Variants in ZBTB20 observed in about 807,000 individuals in gnomAD.
ZBTB20 encodes zinc finger and BTB domain containing 20, also known as zinc finger and BTB domain-containing protein 20.
In ZBTB20, 9 loss-of-function variants were observed where a neutral mutation model predicts 56.9. The ratio of observed to expected loss-of-function variants is 0.16; its 90% CI spans 0.10 to 0.28. The LOEUF (loss-of-function observed/expected upper bound fraction) is 0.28, where lower values mean the gene tolerates loss of function less well. Among genes scored for constraint, ZBTB20 ranks in the 10% least tolerant of loss-of-function variants. The probability of loss-of-function intolerance (pLI) is 1.00; values close to 1 mark genes in which losing one functional copy is unlikely to be tolerated. For missense variants in ZBTB20, 655 were observed against 1,003.0 expected, an observed-to-expected ratio of 0.65 and a Z score of 4.69; for synonymous variants, 417 against 420.7, an observed-to-expected ratio of 0.99 and a Z score of 0.11.
chr3:114,707,911 A>T (rs989686231), intron 5 of ZBTB20, among the ~76,000 whole-genome samples: 3 of 152,198 alleles, frequency 2.0e-5, no homozygotes, highest in Admixed American at 6.5e-5. Flanking sequence ...GCATTGTCCT[A>T]GAAGCCCACT....
chr3:115,123,215 C>A (rs2084232285), intron 1 of ZBTB20, among the ~76,000 whole-genome samples: 1 of 152,074 alleles, frequency 6.6e-6, no homozygotes, highest in Admixed American at 6.6e-5. Flanking sequence ...TAGCACTTTG[C>A]CATTATCTCT....
At chr3:114,918,804 A>G (rs2075842942) in intron 3 of ZBTB20, among the ~76,000 whole-genome samples, 1 of 152,170 alleles carries the variant, frequency 6.6e-6, no homozygotes, top group Non-Finnish European at 1.5e-5. Context: ...TCTCTTTCAG[A>G]GCTACCAATT....
At chr3:114,701,752 G>GA (rs1055527221) in intron 5 of ZBTB20, among the ~76,000 whole-genome samples, 4 of 147,792 alleles carry the variant, frequency 2.7e-5, no homozygotes, top group Admixed American at 6.7e-5. Flanking sequence ...CCATCTAACT[G>GA]AAAAAAAAAA....
intron 6 of ZBTB20, among the ~76,000 whole-genome samples, chr3:114,541,358 C>T (rs1323048509): frequency 6.6e-6 from 1 of 152,064 alleles, no homozygotes; most frequent in African/African-American, 2.4e-5. Flanking sequence ...TGGTTTTCTA[C>T]AATATATGTT....
chr3:114,889,819 T>A (rs2076737796), intron 4 of ZBTB20, among the ~76,000 whole-genome samples: 1 of 152,024 alleles, frequency 6.6e-6, no homozygotes, highest in Admixed American at 6.6e-5. Context: ...GTAGAGTAAA[T>A]CTGCAATAAC....
intron 4 of ZBTB20, among the ~76,000 whole-genome samples, chr3:114,827,626 C>G (rs1376042312): frequency 1.3e-5 from 2 of 151,728 alleles, no homozygotes; most frequent in Non-Finnish European, 3.0e-5. Flanking sequence ...AGAAATATAA[C>G]TGCTATCTTT....
At chr3:114,751,630 G>A (rs1367384326) in intron 5 of ZBTB20, among the ~76,000 whole-genome samples, 1 of 152,022 alleles carries the variant, frequency 6.6e-6, no homozygotes, top group East Asian at 1.9e-4. Context: ...AATAAAGAAA[G>A]GTGGCACTAT....
At chr3:114,613,298 A>G (rs1297342029) in intron 6 of ZBTB20, among the ~76,000 whole-genome samples, 1 of 152,190 alleles carries the variant, frequency 6.6e-6, no homozygotes, top group Non-Finnish European at 1.5e-5. Context: ...CTAGGTGTAC[A>G]ATGAGGTCAG....
intron 1 of ZBTB20, among the ~76,000 whole-genome samples, chr3:115,131,847 A>G (rs991615800): frequency 6.6e-6 from 1 of 152,182 alleles, no homozygotes; most frequent in African/African-American, 2.4e-5. Flanking sequence ...TAAAAAATCC[A>G]TCATTTTCCA....
intron 8 of ZBTB20, among the ~76,000 whole-genome samples, chr3:114,386,331 C>T (rs2085122380): frequency 6.6e-6 from 1 of 151,928 alleles, no homozygotes; most frequent in Non-Finnish European, 1.5e-5. Flanking sequence ...ATAATTTCCT[C>T]TTAACTGTAT....
chr3:114,770,661 T>C (rs892071468), intron 5 of ZBTB20, among the ~76,000 whole-genome samples: 2 of 152,244 alleles, frequency 1.3e-5, no homozygotes, highest in African/African-American at 2.4e-5. Flanking sequence ...CTTATCTGTA[T>C]GTTACCTTCA....
chr3:115,035,363 CACA>C (rs1396263647), intron 2 of ZBTB20, among the ~76,000 whole-genome samples: 1 of 151,992 alleles, frequency 6.6e-6, no homozygotes, highest in African/African-American at 2.4e-5. Context: ...CTCCTAAAAA[CACA>C]ACAACAAAAA....
intron 4 of ZBTB20, among the ~76,000 whole-genome samples, chr3:114,855,213 A>G (rs1385549739): frequency 6.6e-6 from 1 of 152,238 alleles, no homozygotes; most frequent in Non-Finnish European, 1.5e-5. Flanking sequence ...TAGCATTTGT[A>G]TAACTCTTTA....
chr3:114,426,152 G>A (rs1230404596), intron 7 of ZBTB20, among the ~76,000 whole-genome samples: 4 of 151,860 alleles, frequency 2.6e-5, no homozygotes, highest in Non-Finnish European at 5.9e-5. Context: ...TGGCTAACAC[G>A]GTGAAACCCC....
intron 4 of ZBTB20, among the ~76,000 whole-genome samples, chr3:114,839,475 GAAAGAA>G (rs2074289233): frequency 6.6e-6 from 1 of 151,626 alleles, no homozygotes; most frequent in Admixed American, 6.6e-5. Context: ...AAGAGAGAGA[GAAAGAA>G]AGAGAAAGAA....
At chr3:114,954,389 A>C (rs568480972) in intron 3 of ZBTB20, among the ~76,000 whole-genome samples, 1 of 152,316 alleles carries the variant, frequency 6.6e-6, no homozygotes. Flanking sequence ...AAAAATATTT[A>C]GATTTTTACT....
chr3:115,066,968 T>C (rs184039566), intron 2 of ZBTB20, among the ~76,000 whole-genome samples: 7 of 152,192 alleles, frequency 4.6e-5, no homozygotes, highest in African/African-American at 1.7e-4. Flanking sequence ...CTTTATCTTT[T>C]AGGGATTATA....
At chr3:114,836,311 T>C (rs966611059) in intron 4 of ZBTB20, among the ~76,000 whole-genome samples, 3 of 152,184 alleles carry the variant, frequency 2.0e-5, no homozygotes, top group South Asian at 4.1e-4. Flanking sequence ...TATATATTAC[T>C]TACAAATTCT....
At chr3:114,543,506 C>T (rs1242002551) in intron 6 of ZBTB20, among the ~76,000 whole-genome samples, 3 of 152,182 alleles carry the variant, frequency 2.0e-5, no homozygotes, top group African/African-American at 7.2e-5. Flanking sequence ...GCCCCCATCT[C>T]CGACTTGCTG....
Sources: gnomAD v4.1 joint callset for allele counts (sites outside exome capture counted in the v4.1 genomes callset) on GRCh38, gnomAD v4.1.1 for gene constraint, MANE v1.5 for transcripts, NCBI Gene and HGNC (gene_info 2026-07-23, HGNC 2026-07-21) for gene names.